IQGAP2: variants seen among roughly 807,000 people sequenced by gnomAD.
IQGAP2 encodes the protein ras GTPase-activating-like protein IQGAP2.
Under a neutral mutation model 201.3 loss-of-function variants are expected in IQGAP2, and 173 were observed. That is an observed-to-expected ratio of 0.86 (90% CI 0.76 to 0.98). IQGAP2 has a LOEUF of 0.98. Among genes scored for constraint, IQGAP2 ranks in the 50% least tolerant of loss-of-function variants. IQGAP2 has a pLI of 0.00. For missense variants in IQGAP2, 1,687 were observed against 1,864.8 expected, an observed-to-expected ratio of 0.90 and a Z score of 1.76; for synonymous variants, 675 against 673.9, an observed-to-expected ratio of 1.00 and a Z score of -0.03.
At chr5:76,502,652 A>C (rs1451342481) in intron 2 of IQGAP2, among the ~76,000 whole-genome samples, 1 of 152,254 alleles carries the variant, frequency 6.6e-6, no homozygotes, top group Non-Finnish European at 1.5e-5. Context: ...GATTGTGGGA[A>C]TAGTGCAACA....
chr5:76,706,942 T>G (rs1017308793), intron 35 of IQGAP2, among the ~76,000 whole-genome samples: 2 of 152,222 alleles, frequency 1.3e-5, no homozygotes, highest in African/African-American at 4.8e-5. Flanking sequence ...CAGATGATTC[T>G]GATGTACACT....
chr5:76,464,910 TATA>T (rs1754689283), intron 2 of IQGAP2, among the ~76,000 whole-genome samples: 3 of 152,104 alleles, frequency 2.0e-5, no homozygotes, highest in Admixed American at 1.3e-4. Context: ...GAATGAGACT[TATA>T]ATAAGTGAAG....
intron 35 of IQGAP2, among the ~76,000 whole-genome samples, chr5:76,706,114 A>G (rs1054561659): frequency 2.0e-4 from 31 of 152,218 alleles, no homozygotes; most frequent in Non-Finnish European, 4.1e-4. Flanking sequence ...TCACTTCATC[A>G]GGAAATAGTA....
intron 5 of IQGAP2, among the ~76,000 whole-genome samples, chr5:76,579,600 G>A (rs543696052): frequency 4.1e-4 from 62 of 151,568 alleles, no homozygotes; most frequent in African/African-American, 1.3e-3. Flanking sequence ...CCATTGTCCT[G>A]TCATAATGAT....
chr5:76,678,892 T>A (rs1356860656), intron 28 of IQGAP2, among the ~76,000 whole-genome samples: 1 of 152,214 alleles, frequency 6.6e-6, no homozygotes, highest in Non-Finnish European at 1.5e-5. Flanking sequence ...TTTTCTTCTT[T>A]CAGGGTTGAA....
intron 8 of IQGAP2, among the ~76,000 whole-genome samples, chr5:76,591,211 C>T (rs762288812): frequency 6.6e-6 from 1 of 152,176 alleles, no homozygotes; most frequent in Non-Finnish European, 1.5e-5. Flanking sequence ...ATGATCATCC[C>T]TTGTTAGACA....
intron 13 of IQGAP2, among the ~76,000 whole-genome samples, chr5:76,614,605 CTTTTTTTTTT>C (rs10603126): frequency 1.7e-5 from 1 of 59,572 alleles, no homozygotes; most frequent in Non-Finnish European, 2.9e-5. Flanking sequence ...TTCCCCTCTG[CTTTTTTTTTT>C]TTTTTTTTTT....
At chr5:76,577,673 A>G (rs1326565263) in intron 5 of IQGAP2, among the ~76,000 whole-genome samples, 1 of 152,224 alleles carries the variant, frequency 6.6e-6, no homozygotes, top group Non-Finnish European at 1.5e-5. Context: ...AAATGCAGTC[A>G]GTCACTCAAA....
Position 76,658,512 on chromosome 5 carries a change from G to C in IQGAP2, c.2374G>C (p.Asp792His). The C allele has an allele frequency of 6.2e-7, 1 of 1,614,004 alleles. No homozygotes were observed. Among genetic ancestry groups the C allele is most frequent in the Non-Finnish European group, 8.5e-7 (1 of 1,179,982 alleles). Reference sequence around the variant, plus strand: ...AATTCGCAAATTTGTATACCTGCTGGACCAAAGTGATTTGGATTTCCAGGA... The same window carrying C: ...AATTCGCAAATTTGTATACCTGCTGCACCAAAGTGATTTGGATTTCCAGGA... ...TVIRKFVYLL[D>H]QSDLDFQEEL... Residue 792 changes from aspartate to histidine, a missense_variant, in exon 21 of 36, where the codon GAC becomes CAC. Asp to His is a moderately conservative substitution (Grantham distance 81). Coordinates refer to ENST00000274364, the MANE Select transcript of IQGAP2 (RefSeq NM_006633.5).
chr5:76,505,906 C>T (rs568629040), intron 2 of IQGAP2, among the ~76,000 whole-genome samples: 39 of 152,250 alleles, frequency 2.6e-4, no homozygotes, highest in African/African-American at 9.4e-4. Context: ...GCTCAGCAAC[C>T]CCCACACTTT....
At chr5:76,523,076 C>CTTTTTTTT (rs35277348) in intron 2 of IQGAP2, among the ~76,000 whole-genome samples, 3 of 78,372 alleles carry the variant, frequency 3.8e-5, no homozygotes, top group African/African-American at 5.1e-5. Flanking sequence ...TTTCTTTTGC[C>CTTTTTTTT]TTTTTTTTTT....
chr5:76,460,112 T>C (rs924005048), intron 1 of IQGAP2, among the ~76,000 whole-genome samples: 1 of 152,130 alleles, frequency 6.6e-6, no homozygotes, highest in Non-Finnish European at 1.5e-5. Flanking sequence ...AAGGATCCCC[T>C]AGTTTGGAGA....
intron 17 of IQGAP2, among the ~76,000 whole-genome samples, chr5:76,649,360 T>C (rs1265172353): frequency 6.6e-6 from 1 of 151,942 alleles, no homozygotes; most frequent in East Asian, 1.9e-4. Flanking sequence ...AAAAATAACC[T>C]TTAGGAATGA....
intron 21 of IQGAP2, among the ~76,000 whole-genome samples, chr5:76,664,752 A>G (rs1743588646): frequency 6.6e-6 from 1 of 152,216 alleles, no homozygotes; most frequent in South Asian, 2.1e-4. Flanking sequence ...AGTTCTACAT[A>G]TTGCAAGAAT....
chr5:76,695,360 ACTT>A (rs1467232379), intron 31 of IQGAP2, 91 bp from the exon 32 acceptor site: 59 of 1,018,420 alleles, frequency 5.8e-5, no homozygotes, highest in Non-Finnish European at 8.2e-5. Context: ...CTGGAGGACT[ACTT>A]TCATTTTGAC....
At chr5:76,540,858 G>T (rs1163808002) in intron 2 of IQGAP2, among the ~76,000 whole-genome samples, 6 of 152,106 alleles carry the variant, frequency 3.9e-5, no homozygotes, top group Admixed American at 3.9e-4. Flanking sequence ...GAGTAAGAAG[G>T]CCTCAACACT....
intron 1 of IQGAP2, among the ~76,000 whole-genome samples, chr5:76,413,649 A>G (rs1446662352): frequency 1.3e-5 from 2 of 152,216 alleles, no homozygotes; most frequent in Admixed American, 6.5e-5. Context: ...TCTGTGTTGT[A>G]TATTTTGCCA....
At chr5:76,654,365 G>A (rs1314851911) in intron 19 of IQGAP2, 94 bp downstream of exon 19, 3 of 787,612 alleles carry the variant, frequency 3.8e-6, no homozygotes, top group South Asian at 3.2e-5. Flanking sequence ...TTATTGAATG[G>A]TGAACATGAA....
rs77060466 is a variant in IQGAP2 at position 76,633,862 on chromosome 5, G to A, written c.1780+1836G>A. On this transcript the variant is annotated intron_variant, in intron 15 of 35. Coordinates refer to ENST00000274364, the MANE Select transcript of IQGAP2 (RefSeq NM_006633.5). ...TCATTCATGTAGCATTAGTCAGTTCGTCCTTTTTTGTGGCTAATATTCCAT... is the reference window on the plus strand; with the variant it reads ...TCATTCATGTAGCATTAGTCAGTTCATCCTTTTTTGTGGCTAATATTCCAT... Among the ~76,000 whole-genome samples the A allele has an allele frequency of 8.1e-3, 1,236 of 152,084 alleles. 10 individuals are homozygous for A. The highest frequency in any genetic ancestry group is 0.027 in the African/African-American group (1,139 of 41,474).
Sources: gnomAD v4.1 joint callset for allele counts (sites outside exome capture counted in the v4.1 genomes callset) on GRCh38, gnomAD v4.1.1 for gene constraint, MANE v1.5 for transcripts, NCBI Gene and HGNC (gene_info 2026-07-23, HGNC 2026-07-21) for gene names.